The following ITGA9 variants were observed in gnomAD, a reference collection of about 807,000 sequenced individuals.
ITGA9 encodes the protein integrin subunit alpha 9, also known as integrin alpha-9.
Under a neutral mutation model 127.8 loss-of-function variants are expected in ITGA9, and 56 were observed. That is an observed-to-expected ratio of 0.44 (90% CI 0.35 to 0.55). ITGA9 has a LOEUF of 0.55. Ranked by LOEUF, ITGA9 falls within the 20% of genes least tolerant of loss-of-function variation. ITGA9 has a pLI of 0.00. For synonymous variants in ITGA9, 508 were observed against 514.5 expected (o/e 0.99, Z 0.17); for missense variants, 1,196 against 1,347.1 (o/e 0.89, Z 1.76).
chr3:37,653,224 T>A (rs1700445620), intron 16 of ITGA9, among the ~76,000 whole-genome samples: 1 of 152,236 alleles, frequency 6.6e-6, no homozygotes. Flanking sequence ...CCTTTTCCTG[T>A]TAATACTGAC....
At chr3:37,815,937 T>C (rs963796642) in intron 27 of ITGA9, among the ~76,000 whole-genome samples, 2 of 152,104 alleles carry the variant, frequency 1.3e-5, no homozygotes, top group African/African-American at 4.8e-5. Flanking sequence ...ACTGGTCTCT[T>C]AGCAGGTTAG....
At chr3:37,714,110 T>C (rs1559576249) in intron 18 of ITGA9, among the ~76,000 whole-genome samples, 1 of 152,146 alleles carries the variant, frequency 6.6e-6, no homozygotes, top group Non-Finnish European at 1.5e-5. Context: ...CTGAACTGGG[T>C]TGGAATCCCA....
chr3:37,612,262 G>A (rs1700030407), intron 15 of ITGA9, among the ~76,000 whole-genome samples: 1 of 152,098 alleles, frequency 6.6e-6, no homozygotes, highest in Non-Finnish European at 1.5e-5. Context: ...CTCAGAATAT[G>A]CTTTTACATA....
chr3:37,573,304 T>G (rs1699620603), intron 15 of ITGA9: 1 of 152,248 alleles, frequency 6.6e-6, no homozygotes, highest in Non-Finnish European at 1.5e-5. Context: ...CTTGGGGTTC[T>G]CATTCAGATT....
intron 26 of ITGA9, among the ~76,000 whole-genome samples, chr3:37,795,020 A>G (rs904628661): frequency 4.6e-5 from 7 of 151,710 alleles, no homozygotes; most frequent in Non-Finnish European, 1.0e-4. Flanking sequence ...CCTCCCCCAC[A>G]CCTGCACTGG....
Position 37,767,665 on chromosome 3 carries a change from T to C in ITGA9, c.2542-9727T>C, listed in dbSNP as rs1475456516. Among the ~76,000 whole-genome samples, 7 of 152,334 alleles carry C rather than the reference T, an allele frequency of 4.6e-5. No individual in the cohort carries two copies. The East Asian group carries it at 9.6e-4, about 21-fold the overall frequency. On this transcript the variant is annotated intron_variant, in intron 23 of 27. Transcript: ENST00000264741. ...GAGCCCCTCATATTAGCCTAGCTTA[T>C]GTTGTTGTGATCATCAGACTGTTTC...
chr3:37,541,816 G>A (rs1003296416), intron 14 of ITGA9, among the ~76,000 whole-genome samples: 7 of 152,306 alleles, frequency 4.6e-5, no homozygotes, highest in South Asian at 4.1e-4. Context: ...TTATGCCTGC[G>A]TTGTTCATTG....
At chr3:37,660,389 G>A (rs997184421) in intron 17 of ITGA9, among the ~76,000 whole-genome samples, 10 of 152,174 alleles carry the variant, frequency 6.6e-5, no homozygotes, top group Non-Finnish European at 1.2e-4. Flanking sequence ...ATGTTCACTT[G>A]CTCCAAGGTC....
rs367810171 is a variant in ITGA9 at position 37,542,513 on chromosome 3, G to A, written c.1617G>A (p.Met539Ile). 5.1e-5 allele frequency: 82 copies of A among 1,614,006 alleles called. No individual in the cohort carries two copies. The highest frequency in any genetic ancestry group is 6.4e-5 in the Non-Finnish European group (75 of 1,180,020). Reference sequence around the variant, plus strand: ...ACTTTGTGCTGCTGGGAGAGACCATGGGTCAGGTCACAGAGAAGCTGCAGC... The same window carrying A: ...ACTTTGTGCTGCTGGGAGAGACCATAGGTCAGGTCACAGAGAAGCTGCAGC... Reference protein sequence around the residue: ...RVYFVLLGETMGQVTEKLQLT... With the variant: ...RVYFVLLGETIGQVTEKLQLT... Residue 539 changes from methionine to isoleucine, a missense_variant, in exon 15 of 28, where the codon ATG becomes ATA. Physicochemically the swap from Met to Ile is conservative, Grantham distance 10. Transcript: ENST00000264741.
chr3:37,679,820 A>G (rs1700717967), intron 17 of ITGA9, among the ~76,000 whole-genome samples: 2 of 152,178 alleles, frequency 1.3e-5, no homozygotes, highest in South Asian at 4.1e-4. Flanking sequence ...TGTCACTAGG[A>G]GTTCAACGAT....
chr3:37,805,382 A>G (rs1697283515), intron 27 of ITGA9, among the ~76,000 whole-genome samples: 1 of 152,078 alleles, frequency 6.6e-6, no homozygotes, highest in South Asian at 2.1e-4. Flanking sequence ...AAAAACGTAT[A>G]CCTATTTTTC....
intron 18 of ITGA9, among the ~76,000 whole-genome samples, chr3:37,725,332 G>C (rs537570753): frequency 6.6e-6 from 1 of 152,342 alleles, no homozygotes; most frequent in Middle Eastern, 3.4e-3. Flanking sequence ...CAAGTGGCAG[G>C]AGACAAGGTA....
chr3:37,750,678 C>T (rs1474249400), intron 23 of ITGA9, 109 bp downstream of exon 23: 1 of 800,552 alleles, frequency 1.2e-6, no homozygotes, highest in Non-Finnish European at 2.2e-6. Flanking sequence ...GAAAATTCAA[C>T]TCATTCTACC....
rs560604621 is a variant in ITGA9, at chr3:37,537,094, C to T, written c.1528+3626C>T. Among the ~76,000 whole-genome samples, 13 of 152,332 alleles carry T rather than the reference C, an allele frequency of 8.5e-5. No homozygotes were observed. The East Asian group carries it at 1.3e-3, about 16-fold the overall frequency. On this transcript the variant is annotated intron_variant, in intron 14 of 27. Coordinates refer to ENST00000264741, the MANE Select transcript of ITGA9 (RefSeq NM_002207.3). Reference sequence around the variant, plus strand: ...AGGTTATACTTCGGGTTAACCACTTCCTTGGGGTTATCAGAACCTATGAGC... The same window carrying T: ...AGGTTATACTTCGGGTTAACCACTTTCTTGGGGTTATCAGAACCTATGAGC...
intron 15 of ITGA9, among the ~76,000 whole-genome samples, chr3:37,566,881 A>G (rs924568784): frequency 6.6e-6 from 1 of 152,218 alleles, no homozygotes; most frequent in African/African-American, 2.4e-5. Flanking sequence ...CTGTGATTCT[A>G]TCAATTGTTT....
chr3:37,777,567 A>G, intron 24 of ITGA9, 50 bp downstream of exon 24: 1 of 1,595,964 alleles, frequency 6.3e-7, no homozygotes, highest in Non-Finnish European at 8.6e-7. Context: ...CTCACTCGGA[A>G]GACACCAGTT....
At chr3:37,515,856 T>C (rs1434480181) in intron 9 of ITGA9, among the ~76,000 whole-genome samples, 1 of 152,132 alleles carries the variant, frequency 6.6e-6, no homozygotes, top group African/African-American at 2.4e-5. Flanking sequence ...ACCACTGCAC[T>C]CCAGCCTGGG....
At chr3:37,528,954 A>G (rs548214532) in intron 13 of ITGA9, among the ~76,000 whole-genome samples, 63 of 152,324 alleles carry the variant, frequency 4.1e-4, no homozygotes, top group Admixed American at 1.2e-3. Context: ...TCTGACTTCT[A>G]TCACCATAGA....
intron 18 of ITGA9, among the ~76,000 whole-genome samples, chr3:37,706,633 G>A (rs1701008717): frequency 6.6e-6 from 1 of 152,150 alleles, no homozygotes; most frequent in Non-Finnish European, 1.5e-5. Context: ...TCCAAGGAAT[G>A]GATTGTCCTG....
Sources: allele counts gnomAD v4.1 joint callset (sites outside exome capture counted in the v4.1 genomes callset), GRCh38; gene constraint gnomAD v4.1.1; transcripts MANE v1.5; gene names NCBI Gene and HGNC (gene_info 2026-07-23, HGNC 2026-07-21).